The following CSGALNACT1 variants were observed in gnomAD, a reference collection of about 807,000 sequenced individuals.
CSGALNACT1 encodes the protein chondroitin sulfate N-acetylgalactosaminyltransferase 1.
A neutral mutation model predicts 51.0 loss-of-function variants in CSGALNACT1; 52 were observed. The ratio of observed to expected loss-of-function variants is 1.02; its 90% CI spans 0.82 to 1.29. The LOEUF (loss-of-function observed/expected upper bound fraction) is 1.29, where lower values mean the gene tolerates loss of function less well. CSGALNACT1 is among the 50% of genes most tolerant of loss of function. CSGALNACT1 has a pLI of 0.00. For missense variants in CSGALNACT1, 935 were observed against 679.2 expected, an observed-to-expected ratio of 1.38 and a Z score of -4.19; for synonymous variants, 341 against 254.4, an observed-to-expected ratio of 1.34 and a Z score of -3.24.
Position 19,478,052 on chromosome 8 carries a change from G to C in CSGALNACT1, c.635-19410C>G, listed in dbSNP as rs111409944. ...GTCAGGTGATTCTAGCTCTAGGTCTGGTGGTTCCCGTTAAACAGCAGTGTG... is the reference window on the plus strand; with the variant it reads ...GTCAGGTGATTCTAGCTCTAGGTCTCGTGGTTCCCGTTAAACAGCAGTGTG... On this transcript the variant is annotated intron_variant, in intron 4 of 9. Coordinates refer to ENST00000454498, the Ensembl canonical transcript of CSGALNACT1. Among the ~76,000 whole-genome samples, 639 of 152,252 alleles carry C rather than the reference G, an allele frequency of 4.2e-3. 1 individual carries two copies. The highest frequency in any genetic ancestry group is 0.014 in the African/African-American group (592 of 41,558).
intron 8 of CSGALNACT1, among the ~76,000 whole-genome samples, chr8:19,418,127 G>A (rs2057247481): frequency 6.6e-6 from 1 of 152,126 alleles, no homozygotes; most frequent in African/African-American, 2.4e-5. Flanking sequence ...CAAACACTGT[G>A]ATGTGTGGGA....
At chr8:19,745,520 T>A (rs1262650585) in intron 1 of CSGALNACT1, among the ~76,000 whole-genome samples, 1 of 152,172 alleles carries the variant, frequency 6.6e-6, no homozygotes, top group East Asian at 1.9e-4. Flanking sequence ...AGATTTGAAG[T>A]ACAGAGAAAA....
At chr8:19,647,248 G>A (rs1327395668) in intron 1 of CSGALNACT1, among the ~76,000 whole-genome samples, 1 of 152,038 alleles carries the variant, frequency 6.6e-6, no homozygotes, top group Non-Finnish European at 1.5e-5. Context: ...TTATACCCCA[G>A]TGACTAAAAA....
chr8:19,519,199 G>A (rs1230785455), intron 3 of CSGALNACT1, among the ~76,000 whole-genome samples: 1 of 152,148 alleles, frequency 6.6e-6, no homozygotes, highest in Non-Finnish European at 1.5e-5. Context: ...GGGGGTGGGG[G>A]TCTACCAAGT....
intron 3 of CSGALNACT1, among the ~76,000 whole-genome samples, chr8:19,513,404 T>TTCTCTCTCTCTCTCTCTC (rs146482632): frequency 1.1e-4 from 10 of 95,080 alleles, no homozygotes; most frequent in South Asian, 7.3e-4. Flanking sequence ...TCATAGAATT[T>TTCTCTCTCTCTCTCTCTC]TCTCTCTCTC....
chr8:19,741,524 C>T (rs1157917805), intron 1 of CSGALNACT1, among the ~76,000 whole-genome samples: 5 of 138,006 alleles, frequency 3.6e-5, no homozygotes. Context: ...GATTGCACCA[C>T]TGAATTCCAG....
intron 3 of CSGALNACT1, among the ~76,000 whole-genome samples, chr8:19,563,305 G>C (rs188450959): frequency 6.2e-4 from 94 of 152,248 alleles, no homozygotes; most frequent in African/African-American, 2.2e-3. Context: ...AGAGCATCAG[G>C]AACAATAGCT....
intron 1 of CSGALNACT1, among the ~76,000 whole-genome samples, chr8:19,731,607 C>A (rs1440229748): frequency 1.3e-5 from 2 of 152,194 alleles, no homozygotes; most frequent in African/African-American, 4.8e-5. Context: ...ATCTTGAACA[C>A]AACACCTCCA....
chr8:19,745,932 A>G (rs996373387), intron 1 of CSGALNACT1, among the ~76,000 whole-genome samples: 1 of 152,184 alleles, frequency 6.6e-6, no homozygotes, highest in African/African-American at 2.4e-5. Flanking sequence ...GAGTTGGCCA[A>G]CAGGAAGCAG....
At chr8:19,412,018 A>G (rs1265382427) in intron 8 of CSGALNACT1, among the ~76,000 whole-genome samples, 1 of 152,112 alleles carries the variant, frequency 6.6e-6, no homozygotes, top group Non-Finnish European at 1.5e-5. Context: ...TTTTTAGTAA[A>G]GAAGGGGTTT....
intron 1 of CSGALNACT1, among the ~76,000 whole-genome samples, chr8:19,662,314 G>C (rs976333520): frequency 2.6e-5 from 4 of 151,708 alleles, no homozygotes; most frequent in Non-Finnish European, 5.9e-5. Context: ...CCCAGAGGCA[G>C]AGGTTGCAGT....
chr8:19,461,770 CTGCACAGCAGCCACATTCACCATGGAGGG>C (rs2065523246), intron 4 of CSGALNACT1, among the ~76,000 whole-genome samples: 3 of 144,270 alleles, frequency 2.1e-5, no homozygotes, highest in African/African-American at 7.5e-5. Flanking sequence ...GAGGGCGTAT[CTGCACAGCAGCCACATTCACCATGGAGGG>C]CGTATCCCCA....
At chr8:19,413,529 G>T in intron 8 of CSGALNACT1, among the ~76,000 whole-genome samples, 1 of 152,194 alleles carries the variant, frequency 6.6e-6, no homozygotes, top group South Asian at 2.1e-4. Context: ...GCGGGTGTAT[G>T]TTTCCTGAAT....
intron 1 of CSGALNACT1, among the ~76,000 whole-genome samples, chr8:19,635,803 T>C (rs577055652): frequency 5.3e-5 from 8 of 152,206 alleles, no homozygotes; most frequent in African/African-American, 7.2e-5. Flanking sequence ...TCTCCGTTCA[T>C]TGCAACCTCT....
At chr8:19,623,556 T>G (rs1032847869) in intron 1 of CSGALNACT1, among the ~76,000 whole-genome samples, 1 of 152,194 alleles carries the variant, frequency 6.6e-6, no homozygotes, top group African/African-American at 2.4e-5. Context: ...CAAGAGTAAA[T>G]AGAATGTTTA....
chr8:19,555,001 A>G (rs985527972), intron 3 of CSGALNACT1, among the ~76,000 whole-genome samples: 1 of 151,794 alleles, frequency 6.6e-6, no homozygotes, highest in Non-Finnish European at 1.5e-5. Context: ...GCATTTAGGG[A>G]CGCCGAGCGG....
chr8:19,453,159 G>T (rs28517653), intron 5 of CSGALNACT1, among the ~76,000 whole-genome samples: 1 of 152,180 alleles, frequency 6.6e-6, no homozygotes, highest in East Asian at 1.9e-4. Flanking sequence ...GAAAAAATGG[G>T]TCTGAAAGAA....
chr8:19,643,421 G>C (rs1449770163), intron 1 of CSGALNACT1, among the ~76,000 whole-genome samples: 2 of 152,164 alleles, frequency 1.3e-5, no homozygotes, highest in East Asian at 1.9e-4. Flanking sequence ...AGGATGACTT[G>C]AGGTCGGGAG....
intron 1 of CSGALNACT1, among the ~76,000 whole-genome samples, chr8:19,691,456 A>C (rs1492643): frequency 0.064 from 9,705 of 152,234 alleles, 339 homozygotes; most frequent in South Asian, 0.11. Flanking sequence ...ACAAACACCA[A>C]TTGCCTTCTC....
Sources: allele counts gnomAD v4.1 joint callset (sites outside exome capture counted in the v4.1 genomes callset), GRCh38; gene constraint gnomAD v4.1.1; transcripts MANE v1.5; gene names NCBI Gene and HGNC (gene_info 2026-07-23, HGNC 2026-07-21).